The following ANKFN1 variants were observed in gnomAD, a reference collection of about 807,000 sequenced individuals.
ANKFN1 encodes the protein ankyrin repeat and fibronectin type-III domain-containing protein 1.
Under a neutral mutation model 108.7 loss-of-function variants are expected in ANKFN1, and 74 were observed. The ratio of observed to expected loss-of-function variants is 0.68; its 90% CI spans 0.56 to 0.83. ANKFN1 has a LOEUF of 0.83. Among genes scored for constraint, ANKFN1 ranks in the 40% least tolerant of loss-of-function variants. The pLI is 0.00. For missense variants in ANKFN1, 1,505 were observed against 1,382.3 expected (o/e 1.09, Z -1.41); for synonymous variants, 547 against 516.2 (o/e 1.06, Z -0.81).
chr17:56,213,771 A>G (rs1915215829), intron 2 of ANKFN1, among the ~76,000 whole-genome samples: 1 of 152,244 alleles, frequency 6.6e-6, no homozygotes, highest in Non-Finnish European at 1.5e-5. Flanking sequence ...TTACCCCAAA[A>G]GCTGTTCTTA....
chr17:56,092,285 T>TTTTTC lies in ANKFN1; in HGVS notation c.288+45962_288+45963insTTCTT, dbSNP rs60379435. Among the ~76,000 whole-genome samples the TTTTTC allele has an allele frequency of 2.0e-4, 29 of 143,294 alleles. 3 individuals carry two copies. Among genetic ancestry groups the TTTTTC allele is most frequent in the African/African-American group, 7.7e-4 (28 of 36,306 alleles). The allele number at this position is 143,294 out of a possible 152,430, so 94.0% of individuals were successfully genotyped here. A position where few individuals can be genotyped will look rare whatever the true frequency, so the allele number is the denominator to read the frequency against. On this transcript the variant is annotated intron_variant, in intron 4 of 12. Coordinates refer to the ANKFN1 transcript ENST00000635860. ...GGTAGTATTTTTTTTTTTTTTTTTT[T>TTTTTC]TTGAGATGGAGTCTTGCTCTGTCAC...
chr17:56,308,661 C>G (rs956316163), intron 3 of ANKFN1, among the ~76,000 whole-genome samples: 1 of 152,064 alleles, frequency 6.6e-6, no homozygotes, highest in Non-Finnish European at 1.5e-5. Context: ...TAGGGGGAAG[C>G]ATTGTCTTTT....
In ANKFN1 at chr17:56,514,850, C is replaced by T. The variant is rs2051870660; in HGVS notation, c.*3581C>T. The stretch of plus-strand genomic sequence containing the variant: ...GCCACCTGGCAAACACCTACTGTGT[C>T]CTTGCCAGGAGATCATGCCAGAGAA... On this transcript the variant is annotated 3_prime_UTR_variant, in exon 21 of 21. Coordinates refer to ENST00000682825, the MANE Select transcript of ANKFN1 (RefSeq NM_001370326.1). Among the ~76,000 whole-genome samples the T allele has an allele frequency of 6.6e-6, 1 of 152,140 alleles. No individual in the cohort carries two copies. The highest frequency in any genetic ancestry group is 6.5e-5 in the Admixed American group (1 of 15,276).
intron 19 of ANKFN1, among the ~76,000 whole-genome samples, chr17:56,498,166 A>G (rs1460384469): frequency 6.6e-6 from 1 of 152,190 alleles, no homozygotes; most frequent in Non-Finnish European, 1.5e-5. Context: ...ATTATTTAAG[A>G]TTAAACTGTT....
intron 4 of ANKFN1, among the ~76,000 whole-genome samples, chr17:56,114,123 A>C (rs186766340): frequency 6.6e-6 from 1 of 152,220 alleles, no homozygotes; most frequent in South Asian, 2.1e-4. Context: ...TGTTTCCTCC[A>C]TATTCATATT....
chr17:56,331,264 T>C (rs2045654654), intron 4 of ANKFN1, among the ~76,000 whole-genome samples: 1 of 152,188 alleles, frequency 6.6e-6, no homozygotes, highest in Admixed American at 6.5e-5. Context: ...GTTCTATACA[T>C]GGATTATACC....
chr17:56,338,690 C>T (rs749290047), intron 4 of ANKFN1, among the ~76,000 whole-genome samples: 1 of 151,818 alleles, frequency 6.6e-6, no homozygotes, highest in African/African-American at 2.4e-5. Flanking sequence ...CGTTGCTATC[C>T]ATTTCAAGAT....
chr17:56,354,555 G>T (rs983325496), intron 6 of ANKFN1, among the ~76,000 whole-genome samples: 1 of 152,140 alleles, frequency 6.6e-6, no homozygotes, highest in African/African-American at 2.4e-5. Context: ...CAATAAGCAA[G>T]TAAATAGATA....
intron 3 of ANKFN1, among the ~76,000 whole-genome samples, chr17:56,311,867 AC>A (rs1263365079): frequency 6.6e-6 from 1 of 152,138 alleles, no homozygotes; most frequent in Non-Finnish European, 1.5e-5. Flanking sequence ...AATCTGAAAC[AC>A]TTCTGGTCCC....
chr17:56,238,976 T>G (rs1338567936), intron 3 of ANKFN1, among the ~76,000 whole-genome samples: 10 of 152,144 alleles, frequency 6.6e-5, no homozygotes, highest in Admixed American at 6.6e-4. Context: ...AAAATCTGTT[T>G]TAGACTTTTG....
At chr17:56,091,426 A>G (rs1429491318) in intron 4 of ANKFN1, among the ~76,000 whole-genome samples, 5 of 133,350 alleles carry the variant, frequency 3.7e-5, no homozygotes, top group African/African-American at 1.3e-4. Context: ...AATCACACAC[A>G]CACACACACA....
intron 1 of ANKFN1, among the ~76,000 whole-genome samples, chr17:56,162,122 T>A (rs747406295): frequency 7.9e-5 from 12 of 151,984 alleles, no homozygotes; most frequent in Non-Finnish European, 1.8e-4. Context: ...TTATTTAGAG[T>A]CTCACCAAGA....
At chr17:56,369,024 G>A (rs902270673) in intron 6 of ANKFN1, among the ~76,000 whole-genome samples, 1 of 152,214 alleles carries the variant, frequency 6.6e-6, no homozygotes. Context: ...ATTCGGGTTA[G>A]GGGAATGGAA....
intron 4 of ANKFN1, among the ~76,000 whole-genome samples, chr17:56,144,621 T>G (rs549097983): frequency 6.6e-6 from 1 of 152,242 alleles, no homozygotes; most frequent in African/African-American, 2.4e-5. Context: ...AAAAGATGGG[T>G]TTTTTTCCTC....
intron 1 of ANKFN1, among the ~76,000 whole-genome samples, chr17:56,191,879 A>G (rs1377410848): frequency 8.0e-5 from 12 of 150,018 alleles, no homozygotes; most frequent in African/African-American, 3.0e-4. Flanking sequence ...GTCTTTTCAC[A>G]TAGTCCCATA....
At chr17:56,404,231 T>A (rs1460504909) in intron 8 of ANKFN1, among the ~76,000 whole-genome samples, 1 of 152,164 alleles carries the variant, frequency 6.6e-6, no homozygotes, top group Non-Finnish European at 1.5e-5. Context: ...TGGGGAAGAT[T>A]TCCTTGATTA....
At chr17:56,082,283 T>C (rs1905256116) in intron 4 of ANKFN1, among the ~76,000 whole-genome samples, 1 of 13,760 alleles carries the variant, frequency 7.3e-5, no homozygotes, top group Non-Finnish European at 2.2e-4. Context: ...TGTTGTTTTG[T>C]TTTGTTTTTG....
In ANKFN1 at chr17:56,516,260, G is replaced by A. The variant is rs895168203; in HGVS notation, c.*4991G>A. Among the ~76,000 whole-genome samples, 2 of 120,662 alleles carry A rather than the reference G, an allele frequency of 1.7e-5. No individual in the cohort carries two copies. The highest frequency in any genetic ancestry group is 3.7e-5 in the Non-Finnish European group (2 of 53,840). 79.2% of individuals were successfully genotyped at this position (120,662 alleles called of 152,430 possible). The stretch of plus-strand genomic sequence containing the variant: ...TGATGTTTGTGATTTTTAAAAAAGT[G>A]TGTGTGTGTGTGTGTGTGTGTGCGT... On this transcript the variant is annotated 3_prime_UTR_variant, in exon 21 of 21. Coordinates refer to ENST00000682825, the MANE Select transcript of ANKFN1 (RefSeq NM_001370326.1).
intron 6 of ANKFN1, among the ~76,000 whole-genome samples, chr17:56,362,317 A>G (rs2046543385): frequency 3.9e-5 from 6 of 152,224 alleles, no homozygotes; most frequent in Admixed American, 3.3e-4. Flanking sequence ...TAAAATTTGT[A>G]TAATTTTTAT....
Sources: gnomAD v4.1 joint callset for allele counts (sites outside exome capture counted in the v4.1 genomes callset) on GRCh38, gnomAD v4.1.1 for gene constraint, MANE v1.5 for transcripts, NCBI Gene and HGNC (gene_info 2026-07-23, HGNC 2026-07-21) for gene names.